The following RALYL variants were observed in gnomAD, a reference collection of about 807,000 sequenced individuals.
The protein encoded by RALYL is RNA-binding Raly-like protein.
RALYL carries 29 observed loss-of-function variants against 35.1 expected under a neutral mutation model. That is an observed-to-expected ratio of 0.83 (90% CI 0.61 to 1.13). The LOEUF is 1.13. RALYL is among the 50% of genes most tolerant of loss of function. The pLI is 0.00. For missense variants in RALYL, 359 were observed against 360.4 expected (o/e 1.00, Z 0.03); for synonymous variants, 120 against 127.6 (o/e 0.94, Z 0.40).
chr8:84,724,724 C>T (rs1481762462), intron 2 of RALYL, among the ~76,000 whole-genome samples: 1 of 151,660 alleles, frequency 6.6e-6, no homozygotes, highest in African/African-American at 2.4e-5. Context: ...CATCATCTTC[C>T]CCACACTATG....
At chr8:84,653,320 A>C (rs1829237695) in intron 2 of RALYL, among the ~76,000 whole-genome samples, 1 of 152,100 alleles carries the variant, frequency 6.6e-6, no homozygotes, top group Non-Finnish European at 1.5e-5. Context: ...ATAAATATAG[A>C]CAAGCTGAGG....
intron 1 of RALYL, among the ~76,000 whole-genome samples, chr8:84,502,396 C>T (rs1033004402): frequency 6.6e-6 from 1 of 151,986 alleles, no homozygotes; most frequent in South Asian, 2.1e-4. Flanking sequence ...CCAAGCATCC[C>T]TTGACCAAGT....
chr8:84,627,918 T>C (rs1329474651), intron 2 of RALYL, among the ~76,000 whole-genome samples: 1 of 152,132 alleles, frequency 6.6e-6, no homozygotes, highest in East Asian at 1.9e-4. Flanking sequence ...ATTTCCATTG[T>C]CAAAAGTTGA....
chr8:84,308,464 A>AGAATATTTCAG (rs146228370), intron 1 of RALYL, among the ~76,000 whole-genome samples: 7,191 of 152,238 alleles, frequency 0.047, 260 homozygotes, highest in African/African-American at 0.083. Flanking sequence ...AGTAGTTAAT[A>AGAATATTTCAG]ACAAATAACC....
rs150240633 is a variant in RALYL at position 84,803,702 on chromosome 8, C to T, written c.333-1068C>T. ...AGCAGCATGGTATATGGCGGAGATG[C>T]ATGTCAGCTCTGCCTATAAATGCAC... On this transcript the variant is annotated intron_variant, in intron 3 of 8. Coordinates refer to ENST00000521268, the MANE Select transcript of RALYL (RefSeq NM_173848.7). 5.9e-5 allele frequency among the ~76,000 whole-genome samples: 9 copies of T among 152,286 alleles called. No individual in the cohort carries two copies. The East Asian group carries it at 1.4e-3, about 23-fold the overall frequency.
intron 1 of RALYL, among the ~76,000 whole-genome samples, chr8:84,265,203 C>T (rs1355655877): frequency 6.6e-6 from 1 of 152,158 alleles, no homozygotes; most frequent in Non-Finnish European, 1.5e-5. Flanking sequence ...GTGAATGCCA[C>T]CTTACATACA....
chr8:84,283,895 A>G (rs1193167265), intron 1 of RALYL, among the ~76,000 whole-genome samples: 1 of 152,150 alleles, frequency 6.6e-6, no homozygotes, highest in East Asian at 1.9e-4. Flanking sequence ...AAGTGAATAC[A>G]TATCCTAGTG....
At chr8:84,651,077 G>C (rs1244255674) in intron 2 of RALYL, among the ~76,000 whole-genome samples, 9 of 151,922 alleles carry the variant, frequency 5.9e-5, no homozygotes, top group South Asian at 4.1e-4. Context: ...GTTGTGGGGT[G>C]GGGGTAGCGG....
At chr8:84,367,409 C>G (rs1854695026) in intron 1 of RALYL, among the ~76,000 whole-genome samples, 1 of 119,740 alleles carries the variant, frequency 8.4e-6, no homozygotes, top group South Asian at 3.1e-4. Context: ...AGGCTGGTTT[C>G]AAACTCTTGA....
At chr8:84,583,627 C>G in intron 2 of RALYL, among the ~76,000 whole-genome samples, 1 of 152,108 alleles carries the variant, frequency 6.6e-6, no homozygotes, top group East Asian at 1.9e-4. Context: ...TCAGTAAACT[C>G]TTTGTATTTA....
rs1004913968 is a variant in RALYL at position 84,887,643 on chromosome 8, T to C, written c.725T>C (p.Ile242Thr). The C allele has an allele frequency of 6.2e-7, 1 of 1,612,878 alleles. No homozygotes were observed. Among genetic ancestry groups the C allele is most frequent in the African/African-American group, 1.3e-5 (1 of 74,832 alleles). ...KKQLEESLVL[I>T]QEECVSEIAD... ...CAATTGGAAGAGAGTCTAGTGCTGA[T>C]CCAAGAGGAATGTGTGTCAGAGATT... Residue 242 changes from isoleucine (I) to threonine (T), a missense_variant, in exon 8 of 9, where the codon ATC becomes ACC. Physicochemically the swap from Ile to Thr is moderately conservative, Grantham distance 89. Transcript: ENST00000521268.
At chr8:84,910,294 T>A (rs1440921291) in intron 8 of RALYL, among the ~76,000 whole-genome samples, 2 of 152,076 alleles carry the variant, frequency 1.3e-5, no homozygotes, top group African/African-American at 4.8e-5. Flanking sequence ...AAATGAAAAC[T>A]GGAAATGAAG....
chr8:84,839,380 C>G (rs1187363147), intron 4 of RALYL, among the ~76,000 whole-genome samples: 1 of 152,194 alleles, frequency 6.6e-6, no homozygotes, highest in Non-Finnish European at 1.5e-5. Context: ...GCTAGCACAG[C>G]AGTCTGAGAT....
intron 3 of RALYL, among the ~76,000 whole-genome samples, chr8:84,792,141 G>A (rs1182773764): frequency 1.3e-5 from 2 of 152,248 alleles, no homozygotes; most frequent in Admixed American, 6.5e-5. Context: ...TCTGAAGACA[G>A]CTTAAGTGTT....
chr8:84,651,086 G>A (rs574294671), intron 2 of RALYL, among the ~76,000 whole-genome samples: 23 of 152,076 alleles, frequency 1.5e-4, no homozygotes, highest in East Asian at 7.8e-4. Flanking sequence ...TGGGGGTAGC[G>A]GGGAAGGATA....
At chr8:84,533,136 G>A (rs1221898667) in intron 2 of RALYL, among the ~76,000 whole-genome samples, 1 of 151,828 alleles carries the variant, frequency 6.6e-6, no homozygotes, top group Admixed American at 6.6e-5. Context: ...GTCTATATTT[G>A]GTTATTTAAT....
At chr8:84,472,787 T>C (rs746967452) in intron 1 of RALYL, among the ~76,000 whole-genome samples, 8 of 152,168 alleles carry the variant, frequency 5.3e-5, no homozygotes, top group Non-Finnish European at 2.9e-5. Flanking sequence ...ACTTAACAGT[T>C]TTTACTTTTT....
intron 2 of RALYL, among the ~76,000 whole-genome samples, chr8:84,705,162 T>A (rs901443678): frequency 6.6e-6 from 1 of 152,176 alleles, no homozygotes; most frequent in Admixed American, 6.5e-5. Flanking sequence ...GGCATTGCTC[T>A]CAGAAAAGGA....
At chr8:84,372,631 G>C (rs1356333643) in intron 1 of RALYL, among the ~76,000 whole-genome samples, 3 of 151,888 alleles carry the variant, frequency 2.0e-5, no homozygotes, top group Non-Finnish European at 2.9e-5. Flanking sequence ...GTAGTCCCAG[G>C]AGGATGACTG....
Sources: gnomAD v4.1 joint callset for allele counts (sites outside exome capture counted in the v4.1 genomes callset) on GRCh38, gnomAD v4.1.1 for gene constraint, MANE v1.5 for transcripts, NCBI Gene and HGNC (gene_info 2026-07-23, HGNC 2026-07-21) for gene names.